The following FAM13B variants were observed in gnomAD, a reference collection of about 807,000 sequenced individuals.
FAM13B encodes the protein family with sequence similarity 13 member B.
Under a neutral mutation model 117.3 loss-of-function variants are expected in FAM13B, and 60 were observed. That is an observed-to-expected ratio of 0.51 (90% CI 0.42 to 0.63). FAM13B has a LOEUF of 0.63. Ranked by LOEUF, FAM13B falls within the 30% of genes least tolerant of loss-of-function variation. FAM13B has a pLI of 0.00. For synonymous variants in FAM13B, 332 were observed against 356.1 expected (o/e 0.93, Z 0.76); for missense variants, 972 against 1,091.9 (o/e 0.89, Z 1.55).
intron 7 of FAM13B, among the ~76,000 whole-genome samples, chr5:138,004,895 A>T (rs1210711067): frequency 1.3e-5 from 2 of 152,082 alleles, no homozygotes; most frequent in Non-Finnish European, 2.9e-5. Flanking sequence ...AATAATAAAT[A>T]CACAGAAGGA....
At chr5:137,950,090 G>A (rs931205325) in intron 17 of FAM13B, among the ~76,000 whole-genome samples, 1 of 152,162 alleles carries the variant, frequency 6.6e-6, no homozygotes, top group Non-Finnish European at 1.5e-5. Context: ...AAACAGACAT[G>A]GTTCCTGTTC....
chr5:137,987,680 T>C, intron 8 of FAM13B, 64 bp from the exon 9 acceptor site: 1 of 1,494,768 alleles, frequency 6.7e-7, no homozygotes, highest in Non-Finnish European at 9.1e-7. Context: ...GACACAGACA[T>C]AAATGCTAAA....
At chr5:138,036,500 G>A (rs1289909195), upstream of FAM13B, 2 of 456,710 alleles carry the variant, frequency 4.4e-6, no homozygotes, top group South Asian at 1.5e-5. Context: ...GGAGGTACAA[G>A]TCAAGTGCTC....
chr5:138,009,665 C>A (rs1443869536), intron 6 of FAM13B, among the ~76,000 whole-genome samples: 1 of 151,896 alleles, frequency 6.6e-6, no homozygotes, highest in Non-Finnish European at 1.5e-5. Flanking sequence ...ATTAGCCAGG[C>A]ATGGTGGCGA....
rs1765836274 is a variant in FAM13B at position 137,954,357 on chromosome 5, C to T, written c.1527G>A (p.Lys509=). Residue 509 remains lysine, a synonymous_variant, in exon 15 of 24, where the codon AAG becomes AAA. Transcript: ENST00000689681. Reference sequence around the variant, plus strand: ...CAGACTCAGAGTCCTCCTGCCAAGACTTAAAAGCAGGAAATGGCTCTATAA... The same window carrying T: ...CAGACTCAGAGTCCTCCTGCCAAGATTTAAAAGCAGGAAATGGCTCTATAA... The part of the protein sequence containing the change: ...RDGEEPFPAF[K]SWQEDSESGE... 2 of 1,613,312 alleles carry T rather than the reference C, an allele frequency of 1.2e-6. No homozygotes were observed.
upstream of FAM13B, chr5:138,036,213 T>C (rs1791145159): frequency 2.8e-6 from 1 of 354,816 alleles, no homozygotes; most frequent in African/African-American, 2.1e-5. Flanking sequence ...TAAAGTGTTT[T>C]GTCCAAACTA....
intron 10 of FAM13B, among the ~76,000 whole-genome samples, chr5:137,965,743 T>C (rs1179220641): frequency 6.6e-6 from 1 of 152,174 alleles, no homozygotes; most frequent in African/African-American, 2.4e-5. Flanking sequence ...TTTATAGCCT[T>C]CTCTTCCTCT....
At chr5:138,004,006 C>T (rs1166650303) in intron 7 of FAM13B, among the ~76,000 whole-genome samples, 1 of 152,164 alleles carries the variant, frequency 6.6e-6, no homozygotes, top group Non-Finnish European at 1.5e-5. Flanking sequence ...TGGTAGCTCA[C>T]ACCTGTAATC....
rs1223114973 is a variant in FAM13B, at chr5:137,940,206, A to G, written c.*19T>C. 6.2e-7 allele frequency: 1 copy of G among 1,613,966 alleles called. No homozygotes were observed. ...GGAATACAACTGACTTTATGATATGAATTTTCAAGGAACGTATCTTATATG... is the reference window on the plus strand; with the variant it reads ...GGAATACAACTGACTTTATGATATGGATTTTCAAGGAACGTATCTTATATG... On this transcript the variant is annotated 3_prime_UTR_variant, in exon 24 of 24. Transcript: ENST00000689681.
intron 10 of FAM13B, among the ~76,000 whole-genome samples, chr5:137,968,698 C>T (rs938274586): frequency 6.6e-6 from 1 of 152,154 alleles, no homozygotes; most frequent in Non-Finnish European, 1.5e-5. Context: ...TCTGAGGTAC[C>T]GGGTTCATCT....
intron 18 of FAM13B, among the ~76,000 whole-genome samples, chr5:137,947,864 C>A (rs1006189264): frequency 1.3e-5 from 2 of 151,974 alleles, no homozygotes; most frequent in African/African-American, 4.8e-5. Flanking sequence ...GGATTACAGG[C>A]GTGAGGCACC....
chr5:138,000,923 C>T (rs1320990874), intron 7 of FAM13B, among the ~76,000 whole-genome samples: 4 of 121,162 alleles, frequency 3.3e-5, no homozygotes, highest in East Asian at 4.7e-4. Flanking sequence ...GAGCAAGACA[C>T]TGTCTCAAAA....
chr5:138,005,440 A>T (rs1156470040), intron 7 of FAM13B, among the ~76,000 whole-genome samples: 2 of 135,242 alleles, frequency 1.5e-5, no homozygotes, highest in African/African-American at 5.3e-5. Flanking sequence ...AGAAGGAGGA[A>T]AAAAGGGCCA....
chr5:137,954,505 T>TACACAC (rs111423475), intron 14 of FAM13B, 129 bp from the exon 15 acceptor site: 49 of 416,920 alleles, frequency 1.2e-4, no homozygotes, highest in East Asian at 1.7e-4. Flanking sequence ...CATACACACA[T>TACACAC]ACACACACAC....
chr5:138,020,196 G>A (rs575009606), intron 2 of FAM13B, among the ~76,000 whole-genome samples: 1 of 151,936 alleles, frequency 6.6e-6, no homozygotes, highest in East Asian at 1.9e-4. Context: ...ATGTAGCTGG[G>A]ATTACAGGTG....
Position 138,041,685 on chromosome 5 carries a change from C to T in FAM13B, c.-203+10193G>A, listed in dbSNP as rs554594403. 2.6e-5 allele frequency among the ~76,000 whole-genome samples: 4 copies of T among 151,964 alleles called. No individual in the cohort carries two copies. In the East Asian group the frequency reaches 7.7e-4, roughly 29 times the overall value. On this transcript the variant is annotated intron_variant, in intron 1 of 3. Coordinates refer to the FAM13B transcript ENST00000502471. The stretch of plus-strand genomic sequence containing the variant: ...GGCATGGTGGTTCACACCCATAATC[C>T]CAGCACTTTGGGAGGCCAAGGCAGG...
In FAM13B at chr5:137,942,950, G is replaced by C; in HGVS notation, c.2513C>G (p.Ser838Cys). 3 of 1,613,724 alleles carry C rather than the reference G, an allele frequency of 1.9e-6. No individual in the cohort carries two copies. The highest frequency in any genetic ancestry group is 1.7e-6 in the Non-Finnish European group (2 of 1,179,886). ...TTGATTTTCTTCAACATCAGATTCAGAGTTTTCTAATGAAGACTGTACCTG... is the reference window on the plus strand; with the variant it reads ...TTGATTTTCTTCAACATCAGATTCACAGTTTTCTAATGAAGACTGTACCTG... ...AVQVQSSLEN[S>C]ESDVEENQEK... The change falls in exon 22 of 24, where the codon TCT becomes TGT. Residue 838 changes from serine to cysteine, a missense_variant. Physicochemically the swap from Ser to Cys is moderately radical, Grantham distance 112 (BLOSUM62 -1). Transcript: ENST00000689681.
chr5:137,940,612 T>G, intron 23 of FAM13B: 1 of 331,836 alleles, frequency 3.0e-6, no homozygotes, highest in East Asian at 6.0e-5. Flanking sequence ...AAACCCAGTA[T>G]TTTAACAGGA....
chr5:137,984,012 G>C (rs1263787846), intron 10 of FAM13B, among the ~76,000 whole-genome samples: 1 of 152,006 alleles, frequency 6.6e-6, no homozygotes, highest in African/African-American at 2.4e-5. Context: ...ATTACATTTT[G>C]AATGTCTTAG....
Sources: allele counts gnomAD v4.1 joint callset (sites outside exome capture counted in the v4.1 genomes callset), GRCh38; gene constraint gnomAD v4.1.1; transcripts MANE v1.5; gene names NCBI Gene and HGNC (gene_info 2026-07-23, HGNC 2026-07-21).